PARD3: variants seen among roughly 807,000 people sequenced by gnomAD.
PARD3 encodes the protein partitioning defective 3 homolog.
Under a neutral mutation model 155.4 loss-of-function variants are expected in PARD3, and 75 were observed. That is an observed-to-expected ratio of 0.48 (90% CI 0.40 to 0.58). The LOEUF is 0.58. Ranked by LOEUF, PARD3 falls within the 20% of genes least tolerant of loss-of-function variation. The pLI is 0.00. For synonymous variants in PARD3, 576 were observed against 610.5 expected (o/e 0.94, Z 0.83); for missense variants, 1,642 against 1,721.7 (o/e 0.95, Z 0.82).
intron 22 of PARD3, among the ~76,000 whole-genome samples, chr10:34,141,367 A>G (rs532945704): frequency 6.6e-6 from 1 of 152,332 alleles, no homozygotes; most frequent in Admixed American, 6.5e-5. Context: ...TCTGACACCC[A>G]TGATTTGTTG....
chr10:34,242,789 G>T (rs1300263649), intron 22 of PARD3, among the ~76,000 whole-genome samples: 1 of 152,126 alleles, frequency 6.6e-6, no homozygotes, highest in Non-Finnish European at 1.5e-5. Context: ...CAAAAAATTA[G>T]CTGGGCGTGG....
rs1338139895 is a variant in PARD3, at chr10:34,382,811, A to G, written c.1128T>C (p.Asn376=). 1.9e-6 allele frequency: 3 copies of G among 1,614,034 alleles called. No homozygotes were observed. The African/African-American group carries it at 4.0e-5, about 22-fold the overall frequency. ...YEQLSQSEKN[N]YYSSRFSPDS... ...CAGGGCTAAAACGGCTTGAATAGTA[A>G]TTGTTCTTCTCACTTTGGGATAGTT... Residue 376 remains asparagine (N), a synonymous_variant, in exon 9 of 25, where the codon AAT becomes AAC. Coordinates refer to ENST00000374788, the MANE Select transcript of PARD3 (RefSeq NM_001184785.2).
chr10:34,469,597 G>C (rs886425708), intron 4 of PARD3, among the ~76,000 whole-genome samples: 2 of 152,160 alleles, frequency 1.3e-5, no homozygotes, highest in African/African-American at 4.8e-5. Context: ...AAATTACCAT[G>C]AAGTCCACTT....
At chr10:34,503,200 T>A (rs1309285708) in intron 3 of PARD3, among the ~76,000 whole-genome samples, 1 of 152,234 alleles carries the variant, frequency 6.6e-6, no homozygotes, top group Non-Finnish European at 1.5e-5. Context: ...CTTTTCCAAT[T>A]CATTAACACA....
At chr10:34,289,856 T>TA (rs1280634121) in intron 20 of PARD3, among the ~76,000 whole-genome samples, 1 of 152,198 alleles carries the variant, frequency 6.6e-6, no homozygotes, top group Non-Finnish European at 1.5e-5. Flanking sequence ...TATGTACCAT[T>TA]ACAGTCAACA....
intron 10 of PARD3, among the ~76,000 whole-genome samples, chr10:34,376,425 T>G (rs1841247141): frequency 6.6e-6 from 1 of 152,134 alleles, no homozygotes; most frequent in Non-Finnish European, 1.5e-5. Context: ...ACAGATATTT[T>G]TTTGGACTCA....
chr10:34,456,137 C>A (rs2077326688), intron 4 of PARD3, among the ~76,000 whole-genome samples: 1 of 152,160 alleles, frequency 6.6e-6, no homozygotes, highest in African/African-American at 2.4e-5. Context: ...GTCAAAACAA[C>A]CACATCGGGA....
chr10:34,605,206 T>C (rs1338119385), intron 2 of PARD3, among the ~76,000 whole-genome samples: 1 of 136,782 alleles, frequency 7.3e-6, no homozygotes, highest in Non-Finnish European at 1.6e-5. Context: ...TTTTTTTTTT[T>C]TTTTGAGACG....
intron 2 of PARD3, among the ~76,000 whole-genome samples, chr10:34,594,931 T>A (rs1161548219): frequency 6.6e-6 from 1 of 152,188 alleles, no homozygotes; most frequent in Non-Finnish European, 1.5e-5. Flanking sequence ...GTGACTCTCT[T>A]TAGTTTCTCC....
intron 1 of PARD3, among the ~76,000 whole-genome samples, chr10:34,754,831 G>C (rs994164591): frequency 6.6e-6 from 1 of 152,050 alleles, no homozygotes; most frequent in African/African-American, 2.4e-5. Context: ...GTTAATAAAC[G>C]ACATTTATGA....
intron 15 of PARD3, chr10:34,346,347 T>C: frequency 6.2e-6 from 8 of 1,282,226 alleles, no homozygotes; most frequent in Non-Finnish European, 8.2e-6. Flanking sequence ...GTTTTAGTTT[T>C]AGTTTTTCGC....
intron 1 of PARD3, among the ~76,000 whole-genome samples, chr10:34,769,799 C>CAAAAAAAAAA (rs372925164): frequency 4.5e-5 from 3 of 66,596 alleles, no homozygotes; most frequent in East Asian, 5.4e-4. Context: ...AACAAAAAAA[C>CAAAAAAAAAA]AAAACAAAAA....
intron 2 of PARD3, among the ~76,000 whole-genome samples, chr10:34,571,248 C>A (rs930390934): frequency 6.6e-6 from 1 of 152,128 alleles, no homozygotes; most frequent in Admixed American, 6.5e-5. Context: ...CAGGAAGTCA[C>A]AACTGTGGGG....
chr10:34,119,368 C>T (rs1389682233), intron 24 of PARD3, among the ~76,000 whole-genome samples: 5 of 151,844 alleles, frequency 3.3e-5, no homozygotes, highest in Non-Finnish European at 5.9e-5. Flanking sequence ...CGAGTCGCTT[C>T]ACTTTTTTAG....
intron 2 of PARD3, among the ~76,000 whole-genome samples, chr10:34,596,072 T>C (rs1056467927): frequency 6.6e-6 from 1 of 152,192 alleles, no homozygotes; most frequent in Non-Finnish European, 1.5e-5. Context: ...ACCATATTAC[T>C]CTTTAAGAAT....
intron 12 of PARD3, among the ~76,000 whole-genome samples, chr10:34,368,282 A>C (rs573559822): frequency 2.6e-4 from 40 of 152,346 alleles, no homozygotes; most frequent in African/African-American, 9.6e-4. Flanking sequence ...AAAGAACTAC[A>C]AAATGGGAGA....
chr10:34,416,383 A>C (rs943291920), intron 5 of PARD3, among the ~76,000 whole-genome samples: 1 of 151,974 alleles, frequency 6.6e-6, no homozygotes, highest in African/African-American at 2.4e-5. Context: ...CACCAACATA[A>C]GGAGGGCAGG....
intron 2 of PARD3, among the ~76,000 whole-genome samples, chr10:34,683,617 T>C (rs532839304): frequency 7.6e-4 from 115 of 151,254 alleles, no homozygotes; most frequent in Non-Finnish European, 1.4e-3. Flanking sequence ...GGGATTGGTG[T>C]AACAGAAAGA....
rs889520052 is a variant in PARD3 at position 34,708,597 on chromosome 10, T to C, written c.121-12178A>G. Among the ~76,000 whole-genome samples the C allele has an allele frequency of 3.3e-5, 5 of 152,280 alleles. No individual in the cohort carries two copies. The East Asian group carries it at 9.6e-4, about 29-fold the overall frequency. On this transcript the variant is annotated intron_variant, in intron 1 of 24. Transcript: ENST00000374788. ...ATGTGTATCTTTATGTTTATAGAGA[T>C]AGAAAAACAACGTAGCAAATGTAAA...
Sources: allele counts gnomAD v4.1 joint callset (sites outside exome capture counted in the v4.1 genomes callset), GRCh38; gene constraint gnomAD v4.1.1; transcripts MANE v1.5; gene names NCBI Gene and HGNC (gene_info 2026-07-23, HGNC 2026-07-21).